The following DNER variants were observed in gnomAD, a reference collection of about 807,000 sequenced individuals.
DNER encodes the protein delta and Notch-like epidermal growth factor-related receptor.
In DNER, 33 loss-of-function variants were observed where a neutral mutation model predicts 78.2. The ratio of observed to expected loss-of-function variants is 0.42; its 90% CI spans 0.32 to 0.56. DNER has a LOEUF of 0.56. Ranked by LOEUF, DNER falls within the 20% of genes least tolerant of loss-of-function variation. The pLI, the probability that DNER is intolerant of heterozygous loss-of-function variation, is 0.11. For synonymous variants in DNER, 417 were observed against 384.8 expected, an observed-to-expected ratio of 1.08 and a Z score of -0.98; for missense variants, 918 against 975.3, an observed-to-expected ratio of 0.94 and a Z score of 0.78.
At chr2:229,437,372 T>C (rs1374046140) in intron 8 of DNER, among the ~76,000 whole-genome samples, 1 of 152,226 alleles carries the variant, frequency 6.6e-6, no homozygotes, top group African/African-American at 2.4e-5. Flanking sequence ...TGCAGCAACT[T>C]TCACAGTGTG....
intron 6 of DNER, among the ~76,000 whole-genome samples, chr2:229,510,416 G>A (rs774572271): frequency 6.6e-6 from 1 of 152,220 alleles, no homozygotes; most frequent in African/African-American, 2.4e-5. Context: ...GTGCAGCAGG[G>A]TCAAGAATTG....
intron 7 of DNER, among the ~76,000 whole-genome samples, chr2:229,474,585 A>T (rs1694993254): frequency 6.6e-6 from 1 of 152,068 alleles, no homozygotes; most frequent in South Asian, 2.1e-4. Context: ...TTAAATTACT[A>T]CCTAAAGGCC....
chr2:229,502,292 C>T (rs759903884), intron 6 of DNER, among the ~76,000 whole-genome samples: 5 of 152,174 alleles, frequency 3.3e-5, no homozygotes, highest in Non-Finnish European at 5.9e-5. Flanking sequence ...TCTACGGGTG[C>T]TCCCTTGAGG....
At chr2:229,479,019 T>A (rs1386427960) in intron 6 of DNER, among the ~76,000 whole-genome samples, 5 of 152,180 alleles carry the variant, frequency 3.3e-5, no homozygotes, top group Non-Finnish European at 7.4e-5. Context: ...CATGTTTCCA[T>A]GTATTCTCAT....
At chr2:229,618,431 C>T (rs1698202211) in intron 1 of DNER, among the ~76,000 whole-genome samples, 1 of 152,184 alleles carries the variant, frequency 6.6e-6, no homozygotes, top group African/African-American at 2.4e-5. Flanking sequence ...ATGCTTTATA[C>T]TATGTGGCTC....
At chr2:229,478,520 C>G (rs536483850) in intron 6 of DNER, among the ~76,000 whole-genome samples, 1 of 152,052 alleles carries the variant, frequency 6.6e-6, no homozygotes, top group Non-Finnish European at 1.5e-5. Context: ...GTAAGACAAG[C>G]GCATGAACTA....
chr2:229,361,847 T>TA (rs879778331), intron 12 of DNER, among the ~76,000 whole-genome samples: 65 of 111,312 alleles, frequency 5.8e-4, no homozygotes, highest in Non-Finnish European at 6.8e-4. Flanking sequence ...TCTTGTTAAG[T>TA]AAAAAAAAAA....
At chr2:229,494,679 A>T (rs1215330137) in intron 6 of DNER, among the ~76,000 whole-genome samples, 1 of 152,106 alleles carries the variant, frequency 6.6e-6, no homozygotes, top group Non-Finnish European at 1.5e-5. Flanking sequence ...TTGTCCCCAG[A>T]CCTGGAGTAG....
chr2:229,508,891 GAAAAGAAAAGAAAAGAA>G (rs1469136561), intron 6 of DNER, among the ~76,000 whole-genome samples: 1 of 416 alleles, frequency 2.4e-3, no homozygotes, highest in Non-Finnish European at 6.0e-3. Context: ...AAAAAGAAAA[GAAAAGAAAAGAAAAGAA>G]AAGAAAAGAA....
At chr2:229,374,753 T>C (rs1436769739) in intron 11 of DNER, among the ~76,000 whole-genome samples, 3 of 152,076 alleles carry the variant, frequency 2.0e-5, no homozygotes, top group Non-Finnish European at 4.4e-5. Context: ...AAACTGTAGA[T>C]TGTAGAAATC....
At chr2:229,387,509 G>GAAAGAAAGAGAGAA (rs1553602522) in intron 11 of DNER, among the ~76,000 whole-genome samples, 64 of 76,158 alleles carry the variant, frequency 8.4e-4, no homozygotes, top group Non-Finnish European at 1.2e-3. Flanking sequence ...GAAAGAAAGA[G>GAAAGAAAGAGAGAA]AGAAAGAAAG....
chr2:229,447,150 C>T (rs1198567504), intron 8 of DNER, among the ~76,000 whole-genome samples, 166 bp downstream of exon 8: 1 of 152,202 alleles, frequency 6.6e-6, no homozygotes, highest in African/African-American at 2.4e-5. Flanking sequence ...GTGGAATTCA[C>T]TTTTATTCAC....
At chr2:229,412,428 A>G (rs6732014) in intron 9 of DNER, among the ~76,000 whole-genome samples, 62,667 of 152,144 alleles carry the variant, frequency 0.41, 14,076 homozygotes, top group Middle Eastern at 0.5. Context: ...AGCTGTAGAG[A>G]ATTTAAAAAG....
At chr2:229,379,643 C>T (rs1240447076) in intron 11 of DNER, among the ~76,000 whole-genome samples, 2 of 152,102 alleles carry the variant, frequency 1.3e-5, no homozygotes, top group African/African-American at 4.8e-5. Context: ...TATTACTCTG[C>T]CCTAAAGGCA....
chr2:229,634,939 T>G (rs549319424), intron 1 of DNER, among the ~76,000 whole-genome samples: 1 of 152,308 alleles, frequency 6.6e-6, no homozygotes, highest in Admixed American at 6.5e-5. Flanking sequence ...CCTTAACTTT[T>G]GAGAACAGCA....
intron 1 of DNER, among the ~76,000 whole-genome samples, chr2:229,650,329 C>T (rs1698793934): frequency 6.6e-6 from 1 of 152,130 alleles, no homozygotes; most frequent in Non-Finnish European, 1.5e-5. Context: ...GTTTTGAAGG[C>T]ATATTAGAGG....
At chr2:229,509,539 C>T (rs1172646364) in intron 6 of DNER, among the ~76,000 whole-genome samples, 1 of 152,208 alleles carries the variant, frequency 6.6e-6, no homozygotes, top group African/African-American at 2.4e-5. Flanking sequence ...ACAGGCCAGG[C>T]GCAGTGGCGC....
At chr2:229,556,602 A>G (rs551696216) in intron 4 of DNER, among the ~76,000 whole-genome samples, 9 of 152,332 alleles carry the variant, frequency 5.9e-5, no homozygotes, top group East Asian at 3.9e-4. Flanking sequence ...TTACTCATCT[A>G]TTTTTGAAAT....
At chr2:229,527,203 T>C (rs1242996060) in intron 5 of DNER, among the ~76,000 whole-genome samples, 1 of 152,194 alleles carries the variant, frequency 6.6e-6, no homozygotes, top group Admixed American at 6.5e-5. Context: ...CTGGTTTATT[T>C]GGCATAACCT....
Sources: allele counts gnomAD v4.1 joint callset (sites outside exome capture counted in the v4.1 genomes callset), GRCh38; gene constraint gnomAD v4.1.1; transcripts MANE v1.5; gene names NCBI Gene and HGNC (gene_info 2026-07-23, HGNC 2026-07-21).